Variants in TP53I13 observed in about 807,000 individuals in gnomAD.
The protein encoded by TP53I13 is tumor protein p53-inducible protein 13.
TP53I13 carries 27 observed loss-of-function variants against 39.1 expected under a neutral mutation model. The observed-to-expected ratio is 0.69, with a 90% confidence interval of 0.51 to 0.95. The LOEUF is 0.95. Ranked by LOEUF, TP53I13 falls within the 40% of genes least tolerant of loss-of-function variation. The pLI, the probability that TP53I13 is intolerant of heterozygous loss-of-function variation, is 0.00. For missense variants in TP53I13, 544 were observed against 520.4 expected (o/e 1.05, Z -0.44); for synonymous variants, 230 against 224.6 (o/e 1.02, Z -0.22).
At chr17:29,580,297 C>T in the TP53I13 span, among the ~76,000 whole-genome samples, 7 of 152,296 alleles carry the variant, frequency 4.6e-5, no homozygotes, top group African/African-American at 1.7e-4. Context: ...CACACACAAC[C>T]CAGGTAGAAT....
At chr17:29,576,560 T>C (rs891837274), downstream of TP53I13, 3 of 1,613,902 alleles carry the variant, frequency 1.9e-6, no homozygotes, top group African/African-American at 4.0e-5. Flanking sequence ...CTCAGGCTAC[T>C]GTTGACCTTC....
At chr17:29,571,757 A>C (rs570729837) in intron 4 of TP53I13, 38 bp downstream of exon 4, 137 of 1,613,792 alleles carry the variant, frequency 8.5e-5, no homozygotes, top group Non-Finnish European at 1.1e-4. Flanking sequence ...TGGCCCTGGC[A>C]GAAGGCTATG....
Position 29,568,812 on chromosome 17 carries a change from G to A in TP53I13, c.54G>A (p.Arg18=), listed in dbSNP as rs1424015029. Reference sequence around the variant, plus strand: ...TGCTTCTCCTGGCAGCCCTCGCGAGGCTCCTGGGTCCCAGCGAGGTAAGGT... The same window carrying A: ...TGCTTCTCCTGGCAGCCCTCGCGAGACTCCTGGGTCCCAGCGAGGTAAGGT... ...PQLLLLAALA[R]LLGPSEVMAG... Residue 18 remains arginine, a synonymous_variant, in exon 1 of 7, where the codon AGG becomes AGA. Coordinates refer to ENST00000301057, the MANE Select transcript of TP53I13 (RefSeq NM_138349.4). This position sits in a 1 kb window ranked among gnomAD's most constrained non-coding sequence, Gnocchi z 4.5. 5 of 1,598,978 alleles carry A rather than the reference G, an allele frequency of 3.1e-6. No homozygotes were observed. The East Asian group carries it at 1.1e-4, about 36-fold the overall frequency.
downstream of TP53I13, chr17:29,576,983 C>T (rs1341549251): frequency 1.2e-6 from 2 of 1,602,946 alleles, no homozygotes; most frequent in East Asian, 2.2e-5. Context: ...TCCGCAGAGA[C>T]AGCTCGAGGT....
upstream of TP53I13, chr17:29,566,692 G>A (rs1234430227): frequency 1.3e-6 from 2 of 1,588,036 alleles, no homozygotes; most frequent in Non-Finnish European, 1.7e-6. Flanking sequence ...GGCCTCCAGC[G>A]CCTCTGAGCG....
Position 29,572,066 on chromosome 17 carries a change from C to T in TP53I13, c.513+9C>T, listed in dbSNP as rs200995959. ...GAAGAGGGTGTGTGCAGGTGAGAGA[C>T]GCTGGGCCCAGGCTTGTTGGCCCTC... On this transcript the variant is annotated intron_variant, in intron 5 of 6. Transcript: ENST00000301057. 310 of 1,612,904 alleles carry T rather than the reference C, an allele frequency of 1.9e-4. No individual in the cohort carries two copies. Among genetic ancestry groups the T allele is most frequent in the Non-Finnish European group, 2.4e-4 (284 of 1,179,944 alleles).
chr17:29,574,585 C>A (rs757604901), downstream of TP53I13: 1 of 906,342 alleles, frequency 1.1e-6, no homozygotes, highest in Non-Finnish European at 1.8e-6. Flanking sequence ...GGGAGTGTGG[C>A]AGCACTAAGG....
chr17:29,568,868 A>G lies in TP53I13; in HGVS notation c.72+38A>G, dbSNP rs780448820. On this transcript the variant is annotated intron_variant, in intron 1 of 6. Coordinates refer to ENST00000301057, the MANE Select transcript of TP53I13 (RefSeq NM_138349.4). The surrounding 1 kb of genome is among the most constrained non-coding windows in gnomAD (Gnocchi z 4.5). ...GCTCCTGGGAAGGCCTCGGCCCGCG[A>G]GCTCAAAGCGCTTTGCCAAAAGTTC... The G allele has an allele frequency of 6.3e-7, 1 of 1,599,286 alleles. No homozygotes were observed. The highest frequency in any genetic ancestry group is 8.5e-7 in the Non-Finnish European group (1 of 1,178,934).
upstream of TP53I13, chr17:29,566,638 C>T: frequency 6.2e-7 from 1 of 1,606,802 alleles, no homozygotes. Context: ...GACGAAGTGG[C>T]AGAGGGTCTG....
At chr17:29,575,569 C>T, downstream of TP53I13, 4 of 1,570,468 alleles carry the variant, frequency 2.5e-6, no homozygotes, top group Non-Finnish European at 3.5e-6. The surrounding 1 kb of genome is among the most constrained non-coding windows in gnomAD (Gnocchi z 5.5). Flanking sequence ...CACTGGGGGC[C>T]CTCTCAACCT....
intron 3 of TP53I13, chr17:29,570,981 A>T (rs1160977418): frequency 6.6e-6 from 1 of 152,422 alleles, no homozygotes; most frequent in Non-Finnish European, 1.5e-5. Flanking sequence ...TGATAATTTA[A>T]CAACTAATCA....
downstream of TP53I13, chr17:29,574,447 A>C: frequency 1.9e-6 from 1 of 532,870 alleles, no homozygotes; most frequent in South Asian, 2.1e-5. Flanking sequence ...GCCCCTGCTC[A>C]CTAGGAGGGG....
chr17:29,572,133 T>C lies in TP53I13; in HGVS notation c.514-9T>C, dbSNP rs1047835048. 4 of 1,609,314 alleles carry C rather than the reference T, an allele frequency of 2.5e-6. No homozygotes were observed. The highest frequency in any genetic ancestry group is 3.4e-6 in the Non-Finnish European group (4 of 1,177,396). On this transcript the variant is annotated splice_polypyrimidine_tract_variant and intron_variant, in intron 5 of 6. Coordinates refer to ENST00000301057, the MANE Select transcript of TP53I13 (RefSeq NM_138349.4). ...GCAGCAGGGTGATTGCTCTCTCTCC[T>C]CTCCTTAGGCCCTGGCTCTGGCCTT...
At chr17:29,577,073 C>T, downstream of TP53I13, 3 of 1,605,496 alleles carry the variant, frequency 1.9e-6, no homozygotes, top group Non-Finnish European at 2.6e-6. Context: ...GCAGGGAGAG[C>T]CATGCAGGAA....
downstream of TP53I13, chr17:29,574,624 G>T: frequency 8.5e-7 from 1 of 1,177,580 alleles, no homozygotes; most frequent in Non-Finnish European, 1.3e-6. Context: ...CTGTTGGGGT[G>T]GGGATTAATG....
downstream of TP53I13, chr17:29,576,597 T>G (rs759337914): frequency 4.8e-5 from 78 of 1,613,980 alleles, no homozygotes; most frequent in East Asian, 1.7e-3. Context: ...TTGCCTCCGA[T>G]GTAGCCAGGG....
At chr17:29,581,696 C>G in the TP53I13 span, 1 of 1,498,044 alleles carries the variant, frequency 6.7e-7, no homozygotes, top group Non-Finnish European at 9.2e-7. This position sits in a 1 kb window ranked among gnomAD's most constrained non-coding sequence, Gnocchi z 4.8. Flanking sequence ...CCTGCCCAGC[C>G]CCAGCCAGGC....
chr17:29,575,128 G>A, downstream of TP53I13: 1 of 1,601,140 alleles, frequency 6.2e-7, no homozygotes, highest in Non-Finnish European at 8.5e-7. The surrounding 1 kb of genome is among the most constrained non-coding windows in gnomAD (Gnocchi z 5.5). Context: ...GATCTTCTCT[G>A]AGCAGGGCAC....
chr17:29,576,263 G>A (rs1174618382), downstream of TP53I13: 1 of 1,608,748 alleles, frequency 6.2e-7, no homozygotes, highest in African/African-American at 1.3e-5. Context: ...CTCGTCCCCA[G>A]GGGGGCCCCC....
Sources: gnomAD v4.1 joint callset for allele counts (sites outside exome capture counted in the v4.1 genomes callset) on GRCh38, gnomAD v4.1.1 for gene constraint, Gnocchi (gnomAD v3.1) non-coding constraint, MANE v1.5 for transcripts, NCBI Gene and HGNC (gene_info 2026-07-23, HGNC 2026-07-21) for gene names.